The following PDE4D variants were observed in gnomAD, a reference collection of about 807,000 sequenced individuals.
PDE4D encodes 3',5'-cyclic-AMP phosphodiesterase 4D.
Under a neutral mutation model 87.4 loss-of-function variants are expected in PDE4D, and 24 were observed. The observed-to-expected ratio is 0.27, with a 90% CI of 0.20 to 0.39. The LOEUF is 0.39. Ranked by LOEUF, PDE4D falls within the 10% of genes least tolerant of loss-of-function variation. The probability of loss-of-function intolerance (pLI) is 1.00; values close to 1 mark genes in which losing one functional copy is unlikely to be tolerated. For synonymous variants in PDE4D, 384 were observed against 383.2 expected (o/e 1.00, Z -0.02); for missense variants, 714 against 1,041.0 (o/e 0.69, Z 4.32).
At chr5:60,053,384 C>T (rs1448669147) in intron 2 of PDE4D, among the ~76,000 whole-genome samples, 2 of 152,090 alleles carry the variant, frequency 1.3e-5, no homozygotes, top group Non-Finnish European at 2.9e-5. Flanking sequence ...AGAAATAATG[C>T]CACACATCTA....
At chr5:60,157,010 C>A (rs1326743386) in intron 2 of PDE4D, among the ~76,000 whole-genome samples, 1 of 152,076 alleles carries the variant, frequency 6.6e-6, no homozygotes, top group East Asian at 1.9e-4. Context: ...TTATGGATTG[C>A]TTTCCTGAAT....
intron 2 of PDE4D, among the ~76,000 whole-genome samples, chr5:60,103,907 A>G (rs1260044031): frequency 4.6e-5 from 7 of 152,226 alleles, no homozygotes; most frequent in African/African-American, 1.7e-4. Context: ...GAACAGCTCC[A>G]GTCTACAGCT....
At position 60,441,862 on chromosome 5, in the gene PDE4D, G is replaced by A. The variant is rs564133507; in HGVS notation, c.-90+46080C>T. Among the ~76,000 whole-genome samples the A allele has an allele frequency of 2.6e-5, 4 of 152,018 alleles. No individual in the cohort carries two copies. In the South Asian group the frequency reaches 8.3e-4, roughly 32 times the overall value. On this transcript the variant is annotated intron_variant, in intron 1 of 16. Coordinates refer to the PDE4D transcript ENST00000502484. ...AAAAGCTCATCATCACTGGTCATTA[G>A]AGAAACGCAAATCAAAACCACAATG...
At chr5:60,262,486 A>G (rs9291686) in intron 1 of PDE4D, 81,116 of 151,906 alleles carry the variant, frequency 0.53, 22,387 homozygotes, top group African/African-American at 0.65. Flanking sequence ...ACATGTCAGT[A>G]CTTATTCAGT....
chr5:59,355,280 T>C (rs552035287), intron 1 of PDE4D, among the ~76,000 whole-genome samples: 1 of 152,346 alleles, frequency 6.6e-6, no homozygotes, highest in Non-Finnish European at 1.5e-5. Context: ...GTTTATAATA[T>C]ATTTGCAAAC....
intron 1 of PDE4D, among the ~76,000 whole-genome samples, chr5:59,427,975 T>C (rs969877931): frequency 2.6e-5 from 4 of 152,120 alleles, no homozygotes; most frequent in Non-Finnish European, 5.9e-5. Context: ...AAATCGCAAA[T>C]ATAGAAAGTA....
Position 59,764,730 on chromosome 5 carries a change from A to G in PDE4D, c.455+128438T>C, listed in dbSNP as rs368895605. Among the ~76,000 whole-genome samples, 13 of 131,958 alleles carry G rather than the reference A, an allele frequency of 9.9e-5. No homozygotes were observed. The East Asian group carries it at 2.4e-3, about 24-fold the overall frequency. 86.6% of individuals were successfully genotyped at this position (131,958 alleles called of 152,430 possible). A position where few individuals can be genotyped will look rare whatever the true frequency, so the allele number is the denominator to read the frequency against. ...GAGTGCAGTGGCACAATCATGGCTC[A>G]CTGCAACCTCCGCCTCCTGAGTTCA... On this transcript the variant is annotated intron_variant, in intron 1 of 14. Transcript: ENST00000340635.
At chr5:60,221,846 C>T (rs534477113) in intron 1 of PDE4D, among the ~76,000 whole-genome samples, 34 of 152,174 alleles carry the variant, frequency 2.2e-4, no homozygotes, top group African/African-American at 7.5e-4. Flanking sequence ...ATCCAGACTC[C>T]TGTGAACATC....
chr5:59,408,318 C>T (rs1792058519), intron 1 of PDE4D, among the ~76,000 whole-genome samples: 1 of 152,212 alleles, frequency 6.6e-6, no homozygotes, highest in Non-Finnish European at 1.5e-5. Context: ...GCCTTTGTGG[C>T]TTCCTTGTGG....
intron 10 of PDE4D, among the ~76,000 whole-genome samples, chr5:58,989,319 TAATGA>T (rs1344515664): frequency 6.6e-6 from 1 of 152,160 alleles, no homozygotes; most frequent in Non-Finnish European, 1.5e-5. Flanking sequence ...AGTAAACAAC[TAATGA>T]AATAACTTCT....
At chr5:59,321,389 A>G (rs1441421773) in intron 1 of PDE4D, among the ~76,000 whole-genome samples, 1 of 152,162 alleles carries the variant, frequency 6.6e-6, no homozygotes, top group African/African-American at 2.4e-5. Flanking sequence ...TTTTTCAAGC[A>G]CAACCCCTGT....
chr5:59,970,715 T>C (rs936578764), intron 3 of PDE4D, among the ~76,000 whole-genome samples: 3 of 147,960 alleles, frequency 2.0e-5, no homozygotes, highest in Non-Finnish European at 4.5e-5. Context: ...CAACAGGTGC[T>C]GGAGAGGATG....
At chr5:60,381,331 C>T (rs1761843804) in intron 1 of PDE4D, among the ~76,000 whole-genome samples, 1 of 152,188 alleles carries the variant, frequency 6.6e-6, no homozygotes, top group South Asian at 2.1e-4. Context: ...GAATTAAGTG[C>T]ATCTGTGCAA....
At chr5:59,862,228 C>T (rs945850003) in intron 1 of PDE4D, among the ~76,000 whole-genome samples, 13 of 152,142 alleles carry the variant, frequency 8.5e-5, no homozygotes, top group East Asian at 1.9e-4. Flanking sequence ...TAAGGCTGGA[C>T]GTTTCACCAG....
chr5:59,970,133 C>A (rs1428099484), intron 3 of PDE4D, among the ~76,000 whole-genome samples: 1 of 151,952 alleles, frequency 6.6e-6, no homozygotes, highest in African/African-American at 2.4e-5. Flanking sequence ...GAGAGTTAGA[C>A]AAAGATATGT....
intron 1 of PDE4D, among the ~76,000 whole-genome samples, chr5:59,269,888 A>G (rs1173128737): frequency 6.6e-6 from 1 of 152,102 alleles, no homozygotes; most frequent in Non-Finnish European, 1.5e-5. Flanking sequence ...CCATTGAAAT[A>G]AACGTGTTTA....
chr5:59,329,455 C>T (rs556908619), intron 1 of PDE4D, among the ~76,000 whole-genome samples: 3 of 152,244 alleles, frequency 2.0e-5, no homozygotes, highest in South Asian at 4.1e-4. Context: ...TCTCAGAAAT[C>T]ATGTTGTCTG....
rs548657887 is a variant in PDE4D, at chr5:59,789,452, C to T, written c.455+103716G>A. On this transcript the variant is annotated intron_variant, in intron 1 of 14. Coordinates refer to ENST00000340635, the MANE Select transcript of PDE4D (RefSeq NM_001104631.2). Reference sequence around the variant, plus strand: ...CTGTGCCAGAGAAGTGATGAGCCTGCGTGATGTCTACATTCCTTCCAGTGC... The same window carrying T: ...CTGTGCCAGAGAAGTGATGAGCCTGTGTGATGTCTACATTCCTTCCAGTGC... 2.6e-5 allele frequency among the ~76,000 whole-genome samples: 4 copies of T among 152,278 alleles called. No homozygotes were observed. The South Asian group carries it at 6.2e-4, about 24-fold the overall frequency.
At chr5:59,395,235 C>G (rs6862702) in intron 1 of PDE4D, among the ~76,000 whole-genome samples, 54,577 of 151,920 alleles carry the variant, frequency 0.36, 10,065 homozygotes, top group Middle Eastern at 0.46. Context: ...CACCACAGCT[C>G]AAGGAGGCCT....
Sources: gnomAD v4.1 joint callset for allele counts (sites outside exome capture counted in the v4.1 genomes callset) on GRCh38, gnomAD v4.1.1 for gene constraint, MANE v1.5 for transcripts, NCBI Gene and HGNC (gene_info 2026-07-23, HGNC 2026-07-21) for gene names.